VSTM4: variants seen among roughly 807,000 people sequenced by gnomAD.
VSTM4 encodes V-set and transmembrane domain containing 4.
A neutral mutation model predicts 36.4 loss-of-function variants in VSTM4; 20 were observed. That is an observed-to-expected ratio of 0.55 (90% confidence interval 0.39 to 0.80). The LOEUF (loss-of-function observed/expected upper bound fraction) is 0.80. Among genes scored for constraint, VSTM4 ranks in the 30% least tolerant of loss-of-function variants. The probability of loss-of-function intolerance (pLI) is 0.00; values close to 1 mark genes in which losing one functional copy is unlikely to be tolerated. For synonymous variants in VSTM4, 182 were observed against 173.9 expected, an observed-to-expected ratio of 1.05 and a Z score of -0.37; for missense variants, 392 against 404.5, an observed-to-expected ratio of 0.97 and a Z score of 0.26.
At chr10:49,053,508 A>G (rs1486144569) in intron 5 of VSTM4, among the ~76,000 whole-genome samples, 2 of 152,236 alleles carry the variant, frequency 1.3e-5, no homozygotes, top group African/African-American at 4.8e-5. Context: ...AATCTGTAAA[A>G]GGGGAGGTGT....
chr10:49,017,395 G>T lies in VSTM4; in HGVS notation c.*2255C>A, dbSNP rs1423428010. 1 of 152,222 alleles carries T rather than the reference G, an allele frequency of 6.6e-6. No individual in the cohort carries two copies. The highest frequency in any genetic ancestry group is 6.5e-5 in the Admixed American group (1 of 15,286). 9.4% of individuals were successfully genotyped at this position (152,222 alleles called of 1,614,324 possible). On this transcript the variant is annotated 3_prime_UTR_variant, in exon 8 of 8. Transcript: ENST00000332853. ...CATTTTCAGTAGGAGGAGATAATCTGCAGGTTCCCATTCACACACCTTAGT... is the reference window on the plus strand; with the variant it reads ...CATTTTCAGTAGGAGGAGATAATCTTCAGGTTCCCATTCACACACCTTAGT...
At chr10:49,049,978 T>C (rs913115061) in intron 5 of VSTM4, among the ~76,000 whole-genome samples, 2 of 152,220 alleles carry the variant, frequency 1.3e-5, no homozygotes, top group Non-Finnish European at 2.9e-5. Context: ...CTTGCACATG[T>C]AGGAAATGTT....
At chr10:49,046,949 A>G in intron 7 of VSTM4, 34 bp downstream of exon 7, 1 of 1,600,886 alleles carries the variant, frequency 6.2e-7, no homozygotes, top group Non-Finnish European at 8.6e-7. Flanking sequence ...CTGAGGCTTA[A>G]GGTATGATAG....
intron 1 of VSTM4, 134 bp from the exon 2 acceptor site, chr10:49,108,129 G>A (rs142775147): frequency 2.1e-4 from 273 of 1,278,936 alleles, no homozygotes; most frequent in Non-Finnish European, 2.7e-4. Flanking sequence ...AGAAGCAGGC[G>A]GCCCCTCACC....
At chr10:49,041,275 A>G (rs1412615425) in intron 7 of VSTM4, among the ~76,000 whole-genome samples, 1 of 152,212 alleles carries the variant, frequency 6.6e-6, no homozygotes, top group Non-Finnish European at 1.5e-5. Flanking sequence ...GTGAATTGTT[A>G]TAGGTGTAAA....
Position 49,046,997 on chromosome 10 carries a change from T to C in VSTM4, c.823A>G (p.Arg275Gly). ...FHKPKLLKPQ[R>G]KVTLPKIAEE... Reference sequence around the variant, plus strand: ...CGGTTACTTACCAGCGTGACTTTTCTCTGTGGTTTCAGCAGCTTCGGTTTA... The same window carrying C: ...CGGTTACTTACCAGCGTGACTTTTCCCTGTGGTTTCAGCAGCTTCGGTTTA... Residue 275 changes from arginine (R) to glycine (G), a missense_variant, in exon 7 of 8, where the codon AGA becomes GGA. Coordinates refer to ENST00000332853, the MANE Select transcript of VSTM4 (RefSeq NM_001031746.5). 6.2e-7 allele frequency: 1 copy of C among 1,614,196 alleles called. No individual in the cohort carries two copies. Among genetic ancestry groups the C allele is most frequent in the Non-Finnish European group, 8.5e-7 (1 of 1,180,030 alleles).
At chr10:49,053,692 A>G (rs1161363809) in intron 5 of VSTM4, among the ~76,000 whole-genome samples, 3 of 152,170 alleles carry the variant, frequency 2.0e-5, no homozygotes, top group Non-Finnish European at 4.4e-5. Context: ...TGGGTATTTC[A>G]TGGTGCCCTT....
chr10:49,051,579 A>G (rs1843698909), intron 5 of VSTM4, among the ~76,000 whole-genome samples: 1 of 152,094 alleles, frequency 6.6e-6, no homozygotes, highest in Non-Finnish European at 1.5e-5. Flanking sequence ...TATTTTTAGT[A>G]GAGAGGGGGT....
chr10:49,074,499 G>C (rs1844138386), intron 4 of VSTM4, among the ~76,000 whole-genome samples: 1 of 152,210 alleles, frequency 6.6e-6, no homozygotes, highest in Non-Finnish European at 1.5e-5. Flanking sequence ...GTTCCCACGT[G>C]AACGGTCTGC....
chr10:49,063,101 G>A (rs1843910795), intron 5 of VSTM4, among the ~76,000 whole-genome samples: 1 of 151,748 alleles, frequency 6.6e-6, no homozygotes, highest in Admixed American at 6.6e-5. Context: ...CATTTTTGGA[G>A]GATGAGGTGG....
At chr10:49,046,840 T>C in intron 7 of VSTM4, 143 bp downstream of exon 7, 1 of 799,354 alleles carries the variant, frequency 1.3e-6, no homozygotes, top group Non-Finnish European at 2.1e-6. Context: ...AAAGCTGGCA[T>C]CTGAGAATAG....
At chr10:49,040,197 A>C (rs1414798370) in intron 7 of VSTM4, among the ~76,000 whole-genome samples, 1 of 152,224 alleles carries the variant, frequency 6.6e-6, no homozygotes, top group Admixed American at 6.5e-5. Context: ...CTTTGAAAGC[A>C]GGTTGTTGTG....
At chr10:49,062,424 G>T (rs1490507255) in intron 5 of VSTM4, among the ~76,000 whole-genome samples, 5 of 152,066 alleles carry the variant, frequency 3.3e-5, no homozygotes, top group African/African-American at 9.7e-5. Context: ...CATGTCTGGA[G>T]GACAGTTTTG....
intron 4 of VSTM4, among the ~76,000 whole-genome samples, chr10:49,067,936 C>T (rs75584977): frequency 0.12 from 18,580 of 152,184 alleles, 1,452 homozygotes; most frequent in Middle Eastern, 0.18. Context: ...ATATAACCTA[C>T]GCACATCCTC....
rs142214220 is a variant in VSTM4, at chr10:49,047,016, C to T, written c.804G>A (p.Pro268=). 3.7e-4 allele frequency: 592 copies of T among 1,614,062 alleles called. No homozygotes were observed. Among genetic ancestry groups the T allele is most frequent in the Non-Finnish European group, 4.5e-4 (532 of 1,180,008 alleles). The change falls in exon 7 of 8, where the codon CCG becomes CCA. Residue 268 remains proline (P), a synonymous_variant. Transcript: ENST00000332853. ...KAPIAPTFHK[P]KLLKPQRKVT... ...CTTTTCTCTGTGGTTTCAGCAGCTT[C>T]GGTTTATGGAACGTGGGGGCTATCG...
intron 4 of VSTM4, 75 bp from the exon 5 acceptor site, chr10:49,064,811 A>T (rs1309576471): frequency 6.6e-7 from 1 of 1,511,558 alleles, no homozygotes; most frequent in African/African-American, 1.4e-5. Flanking sequence ...ATTACAAGGA[A>T]ATGCCGGGAG....
chr10:49,103,383 G>T, intron 2 of VSTM4: 1 of 393,204 alleles, frequency 2.5e-6, no homozygotes, highest in Non-Finnish European at 3.5e-6. Context: ...ATTTTAATTT[G>T]CATAAAATGA....
chr10:49,105,243 G>GGGAGAGAGAGAGAGACAGAGAT, intron 2 of VSTM4, among the ~76,000 whole-genome samples: 1 of 146,742 alleles, frequency 6.8e-6, no homozygotes, highest in Non-Finnish European at 1.5e-5. Context: ...GAGACAGAGA[G>GGGAGAGAGAGAGAGACAGAGAT]GGAAAGAGAT....
At chr10:49,102,476 C>T in intron 2 of VSTM4, 1 of 985,472 alleles carries the variant, frequency 1.0e-6, no homozygotes, top group Non-Finnish European at 1.2e-6. Context: ...CACTGTGCCA[C>T]AGCAGCTTGA....
Sources: gnomAD v4.1 joint callset for allele counts (sites outside exome capture counted in the v4.1 genomes callset) on GRCh38, gnomAD v4.1.1 for gene constraint, MANE v1.5 for transcripts, NCBI Gene and HGNC (gene_info 2026-07-23, HGNC 2026-07-21) for gene names.